TANC2: variants seen among roughly 807,000 people sequenced by gnomAD.
The protein encoded by TANC2 is protein TANC2.
In TANC2, 26 loss-of-function variants were observed where a neutral mutation model predicts 210.5. That is an observed-to-expected ratio of 0.12 (90% confidence interval 0.09 to 0.17). The LOEUF (loss-of-function observed/expected upper bound fraction) is 0.17, where lower values mean the gene tolerates loss of function less well. Among genes scored for constraint, TANC2 ranks in the 10% least tolerant of loss-of-function variants. The pLI is 1.00. For synonymous variants in TANC2, 931 were observed against 967.1 expected, an observed-to-expected ratio of 0.96 and a Z score of 0.69; for missense variants, 2,129 against 2,608.9, an observed-to-expected ratio of 0.82 and a Z score of 4.01.
intron 5 of TANC2, among the ~76,000 whole-genome samples, chr17:63,191,543 A>G (rs2041185051): frequency 6.6e-6 from 1 of 151,692 alleles, no homozygotes; most frequent in Non-Finnish European, 1.5e-5. Flanking sequence ...GCTAACTGCT[A>G]CCTCGGCCTC....
At chr17:63,091,102 G>C (rs1223927275) in intron 3 of TANC2, among the ~76,000 whole-genome samples, 14 of 150,244 alleles carry the variant, frequency 9.3e-5, no homozygotes, top group Admixed American at 9.3e-4. Context: ...TGTAGATTCT[G>C]GATATTAGCC....
At chr17:63,277,668 T>G (rs2043924623) in intron 9 of TANC2, among the ~76,000 whole-genome samples, 1 of 151,690 alleles carries the variant, frequency 6.6e-6, no homozygotes, top group Admixed American at 6.6e-5. Flanking sequence ...AAAAAAAAAT[T>G]TAAAGAATAG....
At chr17:63,317,221 G>T (rs2146608902) in intron 10 of TANC2, among the ~76,000 whole-genome samples, 1 of 152,218 alleles carries the variant, frequency 6.6e-6, no homozygotes, top group South Asian at 2.1e-4. Flanking sequence ...TAAAAGCTGA[G>T]CACCACTGCT....
In TANC2 at chr17:63,421,201, G is replaced by C. The variant is rs762033674; in HGVS notation, c.5471G>C (p.Ser1824Thr). ...AAACTAGATCTGGAGCGCTCCTCCAGCCAACTAGGTTCCCCTGATGTGTCG... is the reference window on the plus strand; with the variant it reads ...AAACTAGATCTGGAGCGCTCCTCCACCCAACTAGGTTCCCCTGATGTGTCG... Residue 1824 changes from serine (S) to threonine (T), a missense_variant, in exon 28 of 28, where the codon AGC becomes ACC. Around this residue, in one of 5 missense-constraint regions of TANC2, gnomAD observed 584 missense variants for 627.3 expected, o/e 0.93. Coordinates refer to ENST00000689528, the Ensembl canonical transcript of TANC2. This position sits in a 1 kb window ranked among gnomAD's most constrained non-coding sequence, Gnocchi z 6.9. 2 of 1,613,974 alleles carry C rather than the reference G, an allele frequency of 1.2e-6. No individual in the cohort carries two copies.
intron 2 of TANC2, among the ~76,000 whole-genome samples, chr17:63,062,032 T>C (rs1326640345): frequency 6.6e-6 from 1 of 152,192 alleles, no homozygotes; most frequent in Non-Finnish European, 1.5e-5. Flanking sequence ...TTTAGAACTT[T>C]TTGAAATTGC....
chr17:63,278,237 T>C (rs1204136825), intron 9 of TANC2, among the ~76,000 whole-genome samples: 1 of 152,110 alleles, frequency 6.6e-6, no homozygotes, highest in Non-Finnish European at 1.5e-5. Flanking sequence ...ATGTATCTGA[T>C]AGGAGTTAAT....
intron 5 of TANC2, among the ~76,000 whole-genome samples, chr17:63,160,007 T>C (rs2039970846): frequency 6.6e-6 from 1 of 152,258 alleles, no homozygotes; most frequent in Non-Finnish European, 1.5e-5. Context: ...AACTGCCTTC[T>C]CACTGTGTCC....
chr17:63,421,788 G>A lies in TANC2; in HGVS notation c.6058G>A (p.Glu2020Lys). 2 of 1,614,024 alleles carry A rather than the reference G, an allele frequency of 1.2e-6. No individual in the cohort carries two copies. The highest frequency in any genetic ancestry group is 1.7e-6 in the Non-Finnish European group (2 of 1,179,900). ...TAACGGGTCTCGTGGAGACCTCTTG[G>A]AGCGAGTCAGCCAGGCCTCCTCCTA... Residue 2020 changes from glutamate to lysine, a missense_variant, in exon 28 of 28, where the codon GAG (glutamate) becomes AAG (lysine). By Grantham distance (56) the Glu-to-Lys change is moderately conservative. This residue lies in a region of TANC2 where 161 missense variants were observed against 178.6 expected (regional missense o/e 0.90). Transcript: ENST00000689528. This position sits in a 1 kb window ranked among gnomAD's most constrained non-coding sequence, Gnocchi z 6.9.
intron 2 of TANC2, among the ~76,000 whole-genome samples, chr17:63,059,196 G>A (rs2035911095): frequency 6.6e-6 from 1 of 152,058 alleles, no homozygotes; most frequent in Non-Finnish European, 1.5e-5. Flanking sequence ...CCTTCAGTCT[G>A]AATTATGTTG....
chr17:63,374,325 A>G (rs1250387519), intron 14 of TANC2, among the ~76,000 whole-genome samples: 2 of 152,154 alleles, frequency 1.3e-5, no homozygotes, highest in African/African-American at 4.8e-5. Context: ...GGTGTGAGCC[A>G]TCATGCCTGG....
At chr17:63,108,849 A>T (rs1417735063) in intron 4 of TANC2, among the ~76,000 whole-genome samples, 1 of 151,318 alleles carries the variant, frequency 6.6e-6, no homozygotes, top group African/African-American at 2.4e-5. Flanking sequence ...AAAATTTTAA[A>T]AAGTTGATTA....
chr17:63,030,371 A>G (rs1024307799), intron 2 of TANC2, among the ~76,000 whole-genome samples: 1 of 152,136 alleles, frequency 6.6e-6, no homozygotes, highest in Non-Finnish European at 1.5e-5. Context: ...CTGAAGCTCA[A>G]CAGCATCACC....
At chr17:63,111,531 C>T (rs956328043) in intron 4 of TANC2, among the ~76,000 whole-genome samples, 2 of 152,096 alleles carry the variant, frequency 1.3e-5, no homozygotes, top group Admixed American at 6.6e-5. Flanking sequence ...CTCTATTCTT[C>T]GTGGACAATA....
At position 63,379,706 on chromosome 17, in the gene TANC2, CT is replaced by C. The variant is rs1396874707; in HGVS notation, c.2583-5del. 1.9e-6 allele frequency: 3 copies of C among 1,567,880 alleles called. No homozygotes were observed. Among genetic ancestry groups the C allele is most frequent in the East Asian group, 2.3e-5 (1 of 44,244 alleles). On this transcript the variant is annotated splice_polypyrimidine_tract_variant and intron_variant, in intron 14 of 27. Transcript: ENST00000689528. ...AATTAATTAATTAAAATGAATTTCTCTTTTTTTGCAGGAGTGGTCACACGTT... is the reference window on the plus strand; with the variant it reads ...AATTAATTAATTAAAATGAATTTCTCTTTTTTGCAGGAGTGGTCACACGTT...
At chr17:63,009,988 T>C (rs2033794240) in intron 2 of TANC2, among the ~76,000 whole-genome samples, 1 of 152,150 alleles carries the variant, frequency 6.6e-6, no homozygotes, top group South Asian at 2.1e-4. Context: ...TAAAAATAAC[T>C]GTCCTCAAAG....
At chr17:63,038,598 C>G (rs1005573796) in intron 2 of TANC2, among the ~76,000 whole-genome samples, 1 of 151,916 alleles carries the variant, frequency 6.6e-6, no homozygotes, top group Non-Finnish European at 1.5e-5. Flanking sequence ...TTTGTTATTT[C>G]TTTAAATGTT....
At chr17:63,363,222 T>C (rs1028979083) in intron 14 of TANC2, among the ~76,000 whole-genome samples, 1 of 152,228 alleles carries the variant, frequency 6.6e-6, no homozygotes, top group African/African-American at 2.4e-5. Flanking sequence ...TTTTTTCCTA[T>C]AGAGTTGTTT....
chr17:63,168,058 G>A (rs1026192741), intron 5 of TANC2, among the ~76,000 whole-genome samples: 1 of 151,986 alleles, frequency 6.6e-6, no homozygotes, highest in Non-Finnish European at 1.5e-5. Flanking sequence ...TATGCCCTAG[G>A]TGAGTTAATT....
intron 14 of TANC2, among the ~76,000 whole-genome samples, chr17:63,360,235 C>A (rs1489847128): frequency 2.0e-5 from 3 of 152,202 alleles, no homozygotes; most frequent in Non-Finnish European, 4.4e-5. Context: ...ATTAACCTTA[C>A]CCTCACTGAA....
Sources: gnomAD v4.1 joint callset for allele counts (sites outside exome capture counted in the v4.1 genomes callset) on GRCh38, gnomAD v4.1.1 for gene constraint, gnomAD v4.1.1 regional missense constraint, Gnocchi (gnomAD v3.1) non-coding constraint, MANE v1.5 for transcripts, NCBI Gene and HGNC (gene_info 2026-07-23, HGNC 2026-07-21) for gene names.